The following DACH2 variants were observed in gnomAD, a reference collection of about 807,000 sequenced individuals.
DACH2 encodes the protein dachshund family transcription factor 2, also known as dachshund homolog 2.
A neutral mutation model predicts 35.8 loss-of-function variants in DACH2; 17 were observed. The ratio of observed to expected loss-of-function variants is 0.48; its 90% CI spans 0.33 to 0.71. DACH2 has a LOEUF of 0.71. Ranked by LOEUF, DACH2 falls within the 30% of genes least tolerant of loss-of-function variation. The pLI, the probability that DACH2 is intolerant of heterozygous loss-of-function variation, is 0.02. For missense variants in DACH2, 469 were observed against 472.7 expected (o/e 0.99, Z 0.07); for synonymous variants, 195 against 177.3 (o/e 1.10, Z -0.79).
intron 1 of DACH2, among the ~76,000 whole-genome samples, chrX:86,294,799 C>G (rs1165710953): frequency 9.2e-6 from 1 of 108,757 alleles, no homozygotes; most frequent in Non-Finnish European, 1.9e-5. Flanking sequence ...CAGCTGCGTG[C>G]TGGGAGAACC....
At chrX:86,776,199 G>T (rs1041568520) in intron 7 of DACH2, among the ~76,000 whole-genome samples, 1 of 111,682 alleles carries the variant, frequency 9.0e-6, no homozygotes, top group African/African-American at 3.3e-5. Context: ...GACTTAAACA[G>T]CAAACTTTTT....
chrX:86,659,033 A>G (rs1173407839), intron 4 of DACH2, among the ~76,000 whole-genome samples: 1 of 111,354 alleles, frequency 9.0e-6, no homozygotes, highest in Non-Finnish European at 1.9e-5. Context: ...TGGTTGATTA[A>G]CTGGCAAAGT....
At chrX:86,320,262 G>T (rs766839756) in intron 1 of DACH2, among the ~76,000 whole-genome samples, 47 of 112,240 alleles carry the variant, frequency 4.2e-4, no homozygotes, top group African/African-American at 1.2e-3. Context: ...AAAACATAAA[G>T]CCTTTAAAAT....
intron 1 of DACH2, among the ~76,000 whole-genome samples, chrX:86,331,970 G>T (rs1045977053): frequency 1.8e-5 from 2 of 111,652 alleles, no homozygotes; most frequent in Non-Finnish European, 3.8e-5. Context: ...AGTTTGAAAA[G>T]ATTTTTCACC....
At chrX:86,232,884 A>T (rs746216318) in intron 1 of DACH2, among the ~76,000 whole-genome samples, 6 of 112,178 alleles carry the variant, frequency 5.3e-5, no homozygotes, top group Non-Finnish European at 7.5e-5. Flanking sequence ...ATAAAGACAC[A>T]TGCACATGTA....
chrX:86,765,697 G>GTTTTTTTTTTTTTTTTTTTTT (rs2041925172), intron 7 of DACH2, among the ~76,000 whole-genome samples: 17 of 35,203 alleles, frequency 4.8e-4, no homozygotes, highest in East Asian at 3.0e-3. Context: ...GTTGTTTTTT[G>GTTTTTTTTTTTTTTTTTTTTT]GTTTTTTTTT....
At chrX:86,207,625 A>G (rs904759528) in intron 1 of DACH2, among the ~76,000 whole-genome samples, 1 of 111,727 alleles carries the variant, frequency 9.0e-6, no homozygotes, top group Admixed American at 9.5e-5. Flanking sequence ...CTGACAGAAG[A>G]CAGTAATGAA....
intron 2 of DACH2, among the ~76,000 whole-genome samples, chrX:86,384,631 A>T (rs2036095905): frequency 8.9e-6 from 1 of 111,775 alleles, no homozygotes; most frequent in Non-Finnish European, 1.9e-5. Flanking sequence ...TTAGGCTATC[A>T]TTGGAATTTT....
intron 2 of DACH2, among the ~76,000 whole-genome samples, chrX:86,507,328 C>A (rs1305942438): frequency 9.0e-6 from 1 of 111,203 alleles, no homozygotes; most frequent in Non-Finnish European, 1.9e-5. Context: ...ATTGATGAGA[C>A]TTCATTTATC....
intron 2 of DACH2, among the ~76,000 whole-genome samples, chrX:86,438,357 G>A (rs1433351792): frequency 9.2e-6 from 1 of 108,836 alleles, no homozygotes; most frequent in East Asian, 2.9e-4. Flanking sequence ...CCAAGGAGCT[G>A]GGATTACAGG....
chrX:86,582,863 A>G (rs1402322169), intron 3 of DACH2, among the ~76,000 whole-genome samples: 1 of 111,009 alleles, frequency 9.0e-6, no homozygotes, highest in Non-Finnish European at 1.9e-5. Context: ...AACTCATTCT[A>G]TGATGGAAGC....
intron 7 of DACH2, among the ~76,000 whole-genome samples, chrX:86,772,878 C>T (rs756531661): frequency 4.0e-4 from 44 of 110,873 alleles, no homozygotes; most frequent in African/African-American, 1.4e-3. Context: ...CAGTTTTTTC[C>T]TACTATATAA....
chrX:86,150,459 G>C (rs1353535146), intron 1 of DACH2, among the ~76,000 whole-genome samples: 1 of 112,287 alleles, frequency 8.9e-6, no homozygotes, highest in Non-Finnish European at 1.9e-5. Context: ...GCAAACTGTT[G>C]CTTACTGCTG....
At chrX:86,626,891 G>T (rs2040144756) in intron 3 of DACH2, among the ~76,000 whole-genome samples, 1 of 112,729 alleles carries the variant, frequency 8.9e-6, no homozygotes, top group Non-Finnish European at 1.9e-5. Context: ...GGGAGGGGCT[G>T]CTGGGAAGAC....
chrX:86,594,387 A>G (rs1009819227), intron 3 of DACH2, among the ~76,000 whole-genome samples: 1 of 111,254 alleles, frequency 9.0e-6, no homozygotes, highest in African/African-American at 3.3e-5. Flanking sequence ...TTTTGTTTTA[A>G]TATGATCTTC....
intron 7 of DACH2, among the ~76,000 whole-genome samples, chrX:86,801,909 C>T (rs762317607): frequency 2.7e-5 from 3 of 111,689 alleles, no homozygotes; most frequent in Admixed American, 1.9e-4. Context: ...TACAAATTGG[C>T]CCATTATGCA....
intron 7 of DACH2, among the ~76,000 whole-genome samples, chrX:86,801,765 C>T (rs941114297): frequency 8.9e-6 from 1 of 111,846 alleles, no homozygotes; most frequent in Non-Finnish European, 1.9e-5. Context: ...AATCTTAATC[C>T]TCTGAAATAT....
chrX:86,303,637 G>A (rs184006875), intron 1 of DACH2, among the ~76,000 whole-genome samples: 72 of 109,820 alleles, frequency 6.6e-4, no homozygotes, highest in Non-Finnish European at 1.1e-3. Flanking sequence ...TTATGTTTCT[G>A]CAAATCTCAT....
intron 1 of DACH2, among the ~76,000 whole-genome samples, chrX:86,242,801 C>T (rs887420795): frequency 2.7e-4 from 30 of 111,311 alleles, no homozygotes; most frequent in Non-Finnish European, 4.5e-4. Flanking sequence ...TGATAGTGAG[C>T]GTGTTCTCAT....
Sources: allele counts gnomAD v4.1 joint callset (sites outside exome capture counted in the v4.1 genomes callset), GRCh38; gene constraint gnomAD v4.1.1; transcripts MANE v1.5; gene names NCBI Gene and HGNC (gene_info 2026-07-23, HGNC 2026-07-21).